Variants in VTCN1 observed in about 807,000 individuals in gnomAD.
VTCN1 encodes V-set domain-containing T-cell activation inhibitor 1.
Under a neutral mutation model 26.5 loss-of-function variants are expected in VTCN1, and 26 were observed. The observed-to-expected ratio is 0.98, with a 90% CI of 0.72 to 1.36. The LOEUF is 1.36. Ranked by LOEUF, VTCN1 falls within the 40% of genes most tolerant of loss-of-function variation. The probability of loss-of-function intolerance (pLI) is 0.00; values close to 1 mark genes in which losing one functional copy is unlikely to be tolerated. For synonymous variants in VTCN1, 116 were observed against 130.7 expected, an observed-to-expected ratio of 0.89 and a Z score of 0.77; for missense variants, 298 against 337.7, an observed-to-expected ratio of 0.88 and a Z score of 0.92.
At chr1:117,205,375 A>AAACTCCTG (rs1052087834) in intron 1 of VTCN1, among the ~76,000 whole-genome samples, 1 of 151,940 alleles carries the variant, frequency 6.6e-6, no homozygotes, top group Admixed American at 6.6e-5. Flanking sequence ...GGCTTGTCTC[A>AAACTCCTG]AACTCCTGAA....
chr1:117,170,329 G>T, intron 1 of VTCN1, 158 bp from the exon 2 acceptor site: 2 of 760,964 alleles, frequency 2.6e-6, no homozygotes, highest in South Asian at 1.4e-5. Flanking sequence ...GGGTACCTTA[G>T]AAAGGAATTT....
chr1:117,153,088 C>T lies in VTCN1; in HGVS notation c.724+3G>A. 6.2e-7 allele frequency: 1 copy of T among 1,602,692 alleles called. No individual in the cohort carries two copies. Reference sequence around the variant, plus strand: ...ATCCATACAAAAGCATGCAGGAACCCACCTGTCACTTTGATATCCCCTGTT... The same window carrying T: ...ATCCATACAAAAGCATGCAGGAACCTACCTGTCACTTTGATATCCCCTGTT... On this transcript the variant is annotated splice_donor_region_variant and intron_variant, in intron 4 of 5. Coordinates refer to ENST00000369458, the MANE Select transcript of VTCN1 (RefSeq NM_024626.4).
intron 1 of VTCN1, among the ~76,000 whole-genome samples, chr1:117,191,329 A>C (rs756388595): frequency 9.9e-5 from 15 of 152,214 alleles, no homozygotes; most frequent in Admixed American, 2.0e-4. Context: ...TAGAAGGAGA[A>C]GCAAGAGAGA....
At chr1:117,190,334 G>A (rs568537436) in intron 1 of VTCN1, among the ~76,000 whole-genome samples, 10 of 152,318 alleles carry the variant, frequency 6.6e-5, no homozygotes, top group African/African-American at 2.2e-4. Flanking sequence ...AACCTGGCAG[G>A]AGCCATGCCC....
chr1:117,152,164 TGTGTGA>T (rs1460347184), intron 4 of VTCN1, among the ~76,000 whole-genome samples: 1 of 152,204 alleles, frequency 6.6e-6, no homozygotes, highest in East Asian at 1.9e-4. Context: ...TACTTTTGTG[TGTGTGA>T]GTGTAATTTA....
At chr1:117,181,649 G>A (rs751711645) in intron 1 of VTCN1, among the ~76,000 whole-genome samples, 3 of 152,212 alleles carry the variant, frequency 2.0e-5, no homozygotes, top group Non-Finnish European at 4.4e-5. Flanking sequence ...GAGTGGGAAG[G>A]CAGGTGAACC....
Position 117,191,406 on chromosome 1 carries a change from C to A in VTCN1, c.32+19418G>T, listed in dbSNP as rs181726503. On this transcript the variant is annotated intron_variant, in intron 1 of 5. Transcript: ENST00000369458. ...TGGTGGCCTATGCCTGTAATCTCAG[C>A]ACTTTCGGAGGCCAAGGTGGGAGGA... Among the ~76,000 whole-genome samples the A allele has an allele frequency of 5.7e-4, 87 of 152,318 alleles. 1 individual carries two copies. The highest frequency in any genetic ancestry group is 3.9e-3 in the Admixed American group (60 of 15,298).
At chr1:117,150,203 T>C (rs1254594817) in intron 4 of VTCN1, among the ~76,000 whole-genome samples, 1 of 152,174 alleles carries the variant, frequency 6.6e-6, no homozygotes, top group African/African-American at 2.4e-5. Flanking sequence ...CTGACCCAAG[T>C]GGAGTCAAAG....
In VTCN1 at chr1:117,167,896, T is replaced by C. The variant is rs915980107; in HGVS notation, c.97+2211A>G. On this transcript the variant is annotated intron_variant, in intron 2 of 5. Transcript: ENST00000369458. This position sits in a 1 kb window ranked among gnomAD's most constrained non-coding sequence, Gnocchi z 4.1. ...AAAGCTGGTTCTTTCAAAACTACTA[T>C]AAAGCTAACAATACCTTATAAATCT... 1.3e-5 allele frequency among the ~76,000 whole-genome samples: 2 copies of C among 151,404 alleles called. No individual in the cohort carries two copies. Among genetic ancestry groups the C allele is most frequent in the African/African-American group, 4.9e-5 (2 of 41,112 alleles).
intron 1 of VTCN1, among the ~76,000 whole-genome samples, chr1:117,196,371 T>A (rs1648506345): frequency 6.6e-6 from 1 of 150,804 alleles, no homozygotes; most frequent in South Asian, 2.1e-4. Context: ...TGTACAGTAT[T>A]TTACTATGTA....
At chr1:117,205,080 TGTATATGTATGTATG>T (rs1459923631) in intron 1 of VTCN1, among the ~76,000 whole-genome samples, 1 of 6,698 alleles carries the variant, frequency 1.5e-4, no homozygotes, top group Non-Finnish European at 2.3e-3. Context: ...TATATGTACA[TGTATATGTATGTATG>T]TATATGTATG....
At chr1:117,205,087 GTATGTATGTA>G (rs551823624) in intron 1 of VTCN1, among the ~76,000 whole-genome samples, 1,904 of 9,422 alleles carry the variant, frequency 0.2, 49 homozygotes, top group African/African-American at 0.22. Flanking sequence ...ACATGTATAT[GTATGTATGTA>G]TATGTATGTA....
intron 1 of VTCN1, among the ~76,000 whole-genome samples, chr1:117,177,687 T>C (rs1647430319): frequency 6.6e-6 from 1 of 152,128 alleles, no homozygotes; most frequent in African/African-American, 2.4e-5. Flanking sequence ...CCCCCAAGAA[T>C]CACAGCACAG....
chr1:117,179,023 G>A (rs1316879234), intron 1 of VTCN1, among the ~76,000 whole-genome samples: 1 of 152,188 alleles, frequency 6.6e-6, no homozygotes, highest in East Asian at 1.9e-4. Flanking sequence ...TAATAGCAAT[G>A]TAGTGGCGGT....
At chr1:117,209,995 A>C (rs370379212) in intron 1 of VTCN1, among the ~76,000 whole-genome samples, 1 of 152,304 alleles carries the variant, frequency 6.6e-6, no homozygotes, top group East Asian at 1.9e-4. Flanking sequence ...TCCTTCAAAC[A>C]ACCTCTAGAA....
rs12741032 is a variant in VTCN1, at chr1:117,178,259, C to T, written c.33-8088G>A. Among the ~76,000 whole-genome samples the T allele has an allele frequency of 3.6e-3, 390 of 108,292 alleles. 3 individuals carry two copies. The highest frequency in any genetic ancestry group is 9.2e-3 in the African/African-American group (261 of 28,462). The allele number at this position is 108,292 out of a possible 152,430, so 71.0% of individuals were successfully genotyped here. A position where few individuals can be genotyped will look rare whatever the true frequency, so the allele number is the denominator to read the frequency against. On this transcript the variant is annotated intron_variant, in intron 1 of 5. Coordinates refer to ENST00000369458, the MANE Select transcript of VTCN1 (RefSeq NM_024626.4). ...TTTTTGTTCTTTCTTTCTTTTTTTT[C>T]TTTTTTTTTTTTTTTGAGATGGAGT...
chr1:117,148,475 A>G (rs188607818), intron 4 of VTCN1, among the ~76,000 whole-genome samples: 1 of 152,334 alleles, frequency 6.6e-6, no homozygotes, highest in African/African-American at 2.4e-5. Context: ...CTCCATAAGT[A>G]CTGGCTGTAA....
In VTCN1 at chr1:117,172,884, G is replaced by A. The variant is rs1314685407; in HGVS notation, c.33-2713C>T. ...CGCACGGATCAGCACTCTGTAAAAT[G>A]GACCAATCAGCAGGATGTGGGTGAG... On this transcript the variant is annotated intron_variant, in intron 1 of 5. Coordinates refer to ENST00000369458, the MANE Select transcript of VTCN1 (RefSeq NM_024626.4). Among the ~76,000 whole-genome samples the A allele has an allele frequency of 6.6e-5, 10 of 152,280 alleles. No individual in the cohort carries two copies. In the South Asian group the frequency reaches 1.5e-3, roughly 22 times the overall value.
intron 1 of VTCN1, among the ~76,000 whole-genome samples, chr1:117,208,173 C>A (rs1248761529): frequency 6.6e-6 from 1 of 152,230 alleles, no homozygotes; most frequent in African/African-American, 2.4e-5. Context: ...CATCTCCCAG[C>A]ATTTCCTGCC....
Sources: gnomAD v4.1 joint callset for allele counts (sites outside exome capture counted in the v4.1 genomes callset) on GRCh38, gnomAD v4.1.1 for gene constraint, Gnocchi (gnomAD v3.1) non-coding constraint, MANE v1.5 for transcripts, NCBI Gene and HGNC (gene_info 2026-07-23, HGNC 2026-07-21) for gene names.